Variants in ZBTB7C observed in about 807,000 individuals in gnomAD.
ZBTB7C encodes the protein zinc finger and BTB domain containing 7C.
ZBTB7C carries 8 observed loss-of-function variants against 25.7 expected under a neutral mutation model. That is an observed-to-expected ratio of 0.31 (90% CI 0.18 to 0.56). ZBTB7C has a LOEUF of 0.56. ZBTB7C is among the 20% of genes least tolerant of loss of function. ZBTB7C has a pLI of 0.91. For synonymous variants in ZBTB7C, 394 were observed against 369.0 expected, an observed-to-expected ratio of 1.07 and a Z score of -0.78; for missense variants, 824 against 855.2, an observed-to-expected ratio of 0.96 and a Z score of 0.46.
At chr18:48,139,487 T>C (rs2040275657) in intron 3 of ZBTB7C, among the ~76,000 whole-genome samples, 1 of 152,096 alleles carries the variant, frequency 6.6e-6, no homozygotes, top group African/African-American at 2.4e-5. Flanking sequence ...GTCCCCGGAC[T>C]GGAAGGAGTG....
intron 3 of ZBTB7C, among the ~76,000 whole-genome samples, chr18:48,118,100 G>A (rs927384248): frequency 2.8e-4 from 42 of 150,826 alleles, no homozygotes; most frequent in African/African-American, 9.3e-4. Context: ...CCACCTCCCC[G>A]GTTCAAGCGA....
At chr18:48,133,695 C>A (rs1463296023) in intron 3 of ZBTB7C, among the ~76,000 whole-genome samples, 1 of 150,882 alleles carries the variant, frequency 6.6e-6, no homozygotes, top group Non-Finnish European at 1.5e-5. Context: ...GAAAATAAAT[C>A]CTCCGTGGAA....
chr18:48,237,662 A>C (rs1402578842), intron 2 of ZBTB7C, among the ~76,000 whole-genome samples: 1 of 151,990 alleles, frequency 6.6e-6, no homozygotes, highest in Non-Finnish European at 1.5e-5. Flanking sequence ...ACTTTGCAAA[A>C]AAAAAAAGCA....
rs559308224 is a variant in ZBTB7C at position 48,124,577 on chromosome 18, C to T, written c.-17+61357G>A. ...TGTGAGGATTACTAGGGTCTCTGGG[C>T]ACCTGCAGGGGTTTGGAGATGGTGG... On this transcript the variant is annotated intron_variant, in intron 3 of 4. Transcript: ENST00000590800. Among the ~76,000 whole-genome samples, 30 of 152,296 alleles carry T rather than the reference C, an allele frequency of 2.0e-4. No individual in the cohort carries two copies. In the South Asian group the frequency reaches 6.0e-3, roughly 30 times the overall value.
At chr18:48,382,283 T>C (rs1202263933) in intron 1 of ZBTB7C, among the ~76,000 whole-genome samples, 2 of 152,204 alleles carry the variant, frequency 1.3e-5, no homozygotes, top group African/African-American at 2.4e-5. Flanking sequence ...AAGATGGAGA[T>C]AGGCTAGGAA....
At chr18:48,075,686 T>C (rs2037736447) in intron 3 of ZBTB7C, among the ~76,000 whole-genome samples, 1 of 152,158 alleles carries the variant, frequency 6.6e-6, no homozygotes, top group South Asian at 2.1e-4. Context: ...AGGTGACTCC[T>C]TTCTACCTTT....
At chr18:48,097,678 C>T (rs982129712) in intron 3 of ZBTB7C, among the ~76,000 whole-genome samples, 3 of 152,086 alleles carry the variant, frequency 2.0e-5, no homozygotes, top group Non-Finnish European at 4.4e-5. Flanking sequence ...ATTACAGGCG[C>T]GAGCTACGGC....
intron 2 of ZBTB7C, among the ~76,000 whole-genome samples, chr18:48,304,424 C>G (rs2045619554): frequency 6.6e-6 from 1 of 152,184 alleles, no homozygotes; most frequent in Admixed American, 6.5e-5. Context: ...GCCTGTAATC[C>G]TAGCACTTTG....
intron 3 of ZBTB7C, among the ~76,000 whole-genome samples, chr18:48,048,637 A>G (rs561985245): frequency 6.6e-6 from 1 of 152,300 alleles, no homozygotes; most frequent in East Asian, 1.9e-4. Context: ...TGCTCAACCA[A>G]TGCTAGCAAT....
intron 3 of ZBTB7C, among the ~76,000 whole-genome samples, chr18:48,067,619 C>T (rs1245923417): frequency 6.6e-6 from 1 of 152,182 alleles, no homozygotes; most frequent in Non-Finnish European, 1.5e-5. Flanking sequence ...CAAGCTGCAA[C>T]ACCAACTCTC....
intron 4 of ZBTB7C, among the ~76,000 whole-genome samples, chr18:48,036,667 G>C (rs2035985416): frequency 6.6e-6 from 1 of 152,216 alleles, no homozygotes; most frequent in African/African-American, 2.4e-5. Context: ...GGACAAGAGT[G>C]ACATGACAGG....
At chr18:48,030,488 A>T (rs1415685216) in intron 4 of ZBTB7C, among the ~76,000 whole-genome samples, 2 of 152,170 alleles carry the variant, frequency 1.3e-5, no homozygotes, top group African/African-American at 2.4e-5. Flanking sequence ...GTGGTTTCTT[A>T]TCCTAAGCCT....
intron 3 of ZBTB7C, among the ~76,000 whole-genome samples, chr18:48,075,415 T>A (rs2037724871): frequency 6.6e-6 from 1 of 152,086 alleles, no homozygotes; most frequent in South Asian, 2.1e-4. Context: ...CAGATGGAAA[T>A]GGGAACAGCC....
At chr18:48,384,831 G>A (rs762500352) in intron 1 of ZBTB7C, among the ~76,000 whole-genome samples, 31 of 152,038 alleles carry the variant, frequency 2.0e-4, no homozygotes, top group Non-Finnish European at 3.2e-4. Context: ...ACAGGCATGC[G>A]CCACCATGCC....
intron 2 of ZBTB7C, among the ~76,000 whole-genome samples, chr18:48,211,054 A>G (rs1444778677): frequency 6.6e-6 from 1 of 152,212 alleles, no homozygotes; most frequent in African/African-American, 2.4e-5. Context: ...TAGTCAACTG[A>G]TCTTTGACAA....
chr18:48,188,041 A>G (rs1289466095), intron 2 of ZBTB7C, among the ~76,000 whole-genome samples: 1 of 152,230 alleles, frequency 6.6e-6, no homozygotes, highest in Non-Finnish European at 1.5e-5. Flanking sequence ...CCCCTGCAAC[A>G]ATAGCACAGC....
At chr18:48,268,967 T>C (rs1018023741) in intron 2 of ZBTB7C, among the ~76,000 whole-genome samples, 1 of 149,464 alleles carries the variant, frequency 6.7e-6, no homozygotes, top group African/African-American at 2.5e-5. Flanking sequence ...TCTTTTTTTT[T>C]TTTTTTTTTT....
intron 3 of ZBTB7C, chr18:48,137,094 T>G: frequency 1.0e-6 from 1 of 985,464 alleles, no homozygotes; most frequent in African/African-American, 1.7e-5. Context: ...GCGGCCGCGC[T>G]GCTCGCGGGA....
chr18:48,388,114 A>C (rs1216623616), intron 1 of ZBTB7C, among the ~76,000 whole-genome samples: 2 of 152,162 alleles, frequency 1.3e-5, no homozygotes, highest in Non-Finnish European at 2.9e-5. Context: ...GGCGTTAGCC[A>C]CTGCACCTGG....
Sources: allele counts gnomAD v4.1 joint callset (sites outside exome capture counted in the v4.1 genomes callset), GRCh38; gene constraint gnomAD v4.1.1; transcripts MANE v1.5; gene names NCBI Gene and HGNC (gene_info 2026-07-23, HGNC 2026-07-21).